TAX1BP1: variants seen among roughly 807,000 people sequenced by gnomAD.
The protein encoded by TAX1BP1 is tax1-binding protein 1.
In TAX1BP1, 62 loss-of-function variants were observed where a neutral mutation model predicts 97.7. The observed-to-expected ratio is 0.63, with a 90% CI of 0.52 to 0.78. TAX1BP1 has a LOEUF of 0.78. Ranked by LOEUF, TAX1BP1 falls within the 30% of genes least tolerant of loss-of-function variation. The pLI is 0.00. For synonymous variants in TAX1BP1, 340 were observed against 304.2 expected (o/e 1.12, Z -1.23); for missense variants, 867 against 916.1 (o/e 0.95, Z 0.69).
chr7:27,818,935 T>C (rs1037911339), intron 15 of TAX1BP1, among the ~76,000 whole-genome samples: 2 of 152,200 alleles, frequency 1.3e-5, no homozygotes, highest in African/African-American at 4.8e-5. Context: ...GTTGTGGTCT[T>C]AGCCACCTGT....
At chr7:27,747,233 G>A (rs1260016613) in intron 1 of TAX1BP1, among the ~76,000 whole-genome samples, 1 of 152,168 alleles carries the variant, frequency 6.6e-6, no homozygotes, top group Non-Finnish European at 1.5e-5. Flanking sequence ...CGGAGCCTGT[G>A]ACAAACTCTA....
At chr7:27,795,801 T>G (rs1164422104) in intron 11 of TAX1BP1, among the ~76,000 whole-genome samples, 1 of 152,198 alleles carries the variant, frequency 6.6e-6, no homozygotes, top group Admixed American at 6.5e-5. Flanking sequence ...TCGACCCGCC[T>G]TGGCCTCCCA....
chr7:27,776,266 A>G (rs568136193), intron 5 of TAX1BP1, among the ~76,000 whole-genome samples: 2 of 152,268 alleles, frequency 1.3e-5, no homozygotes, highest in Non-Finnish European at 2.9e-5. Flanking sequence ...TGCATAGATA[A>G]AGGTTTCTGT....
chr7:27,794,048 G>C (rs889160138), intron 10 of TAX1BP1, among the ~76,000 whole-genome samples: 1 of 152,154 alleles, frequency 6.6e-6, no homozygotes, highest in African/African-American at 2.4e-5. Flanking sequence ...TTATAACTTT[G>C]TAGTAGATTT....
intron 2 of TAX1BP1, among the ~76,000 whole-genome samples, chr7:27,757,080 G>A (rs999829212): frequency 3.3e-5 from 5 of 152,206 alleles, no homozygotes; most frequent in Middle Eastern, 3.4e-3. Flanking sequence ...GGCTAAAGGT[G>A]ACTAAGGTTC....
intron 13 of TAX1BP1, among the ~76,000 whole-genome samples, chr7:27,808,940 A>C (rs1435966992): frequency 1.3e-5 from 2 of 152,188 alleles, no homozygotes; most frequent in Non-Finnish European, 2.9e-5. Context: ...TTGTTTCTAG[A>C]ACCCTTTGAT....
At chr7:27,747,874 T>C (rs1232685165) in intron 1 of TAX1BP1, among the ~76,000 whole-genome samples, 1 of 152,078 alleles carries the variant, frequency 6.6e-6, no homozygotes, top group Non-Finnish European at 1.5e-5. Context: ...CTATTTTTTT[T>C]TTTTAAAGGC....
intron 3 of TAX1BP1, among the ~76,000 whole-genome samples, chr7:27,759,044 A>G (rs1788331048): frequency 6.6e-6 from 1 of 152,142 alleles, no homozygotes; most frequent in Non-Finnish European, 1.5e-5. Context: ...GCTGCAGAGT[A>G]ATTTTGTATT....
At chr7:27,811,817 G>A (rs985638366) in intron 13 of TAX1BP1, among the ~76,000 whole-genome samples, 1 of 151,976 alleles carries the variant, frequency 6.6e-6, no homozygotes, top group Admixed American at 6.6e-5. Context: ...TGTCCCTGTC[G>A]TTTTATGGCT....
In TAX1BP1 at chr7:27,791,976, A is replaced by G. The variant is rs775010626; in HGVS notation, c.1039-30A>G. 5.0e-6 allele frequency: 8 copies of G among 1,600,330 alleles called. No homozygotes were observed. In the Admixed American group the frequency reaches 1.4e-4, roughly 27 times the overall value. On this transcript the variant is annotated intron_variant, in intron 8 of 16. Coordinates refer to ENST00000396319, the MANE Select transcript of TAX1BP1 (RefSeq NM_006024.7). ...TTCTGTTTTTTACTTGAGTGGTTGA[A>G]TTACAAATATATTTATCTGCTTTCT...
At chr7:27,740,951 T>C (rs1453971043) in intron 1 of TAX1BP1, among the ~76,000 whole-genome samples, 1 of 152,168 alleles carries the variant, frequency 6.6e-6, no homozygotes, top group Non-Finnish European at 1.5e-5. Flanking sequence ...TTAGGGAATC[T>C]GTGGCTAGAG....
At chr7:27,804,490 C>T (rs972542165) in intron 13 of TAX1BP1, among the ~76,000 whole-genome samples, 1 of 152,236 alleles carries the variant, frequency 6.6e-6, no homozygotes, top group Non-Finnish European at 1.5e-5. Context: ...CTGATACTAA[C>T]TACCATGAGT....
intron 13 of TAX1BP1, among the ~76,000 whole-genome samples, chr7:27,801,089 G>A (rs1022085784): frequency 2.9e-5 from 4 of 136,556 alleles, no homozygotes; most frequent in East Asian, 2.3e-4. Context: ...GGGTGACAGT[G>A]TGAGACTCCG....
intron 2 of TAX1BP1, among the ~76,000 whole-genome samples, chr7:27,750,171 C>T (rs1787971520): frequency 6.6e-6 from 1 of 152,070 alleles, no homozygotes; most frequent in Admixed American, 6.6e-5. Flanking sequence ...TCTGTAGTAA[C>T]AGAGCAGAGA....
intron 5 of TAX1BP1, chr7:27,772,407 C>G (rs1467087487): frequency 6.6e-6 from 1 of 151,984 alleles, no homozygotes; most frequent in Non-Finnish European, 1.5e-5. Flanking sequence ...GATGTATCAT[C>G]TATAATTTCA....
chr7:27,782,408 T>TG (rs1789296944), intron 5 of TAX1BP1, among the ~76,000 whole-genome samples: 2 of 150,892 alleles, frequency 1.3e-5, no homozygotes, highest in Non-Finnish European at 3.0e-5. Context: ...CCCAGCTAAT[T>TG]TTTTTTTTCT....
intron 1 of TAX1BP1, among the ~76,000 whole-genome samples, chr7:27,748,186 G>A (rs537420767): frequency 6.6e-6 from 1 of 152,304 alleles, no homozygotes; most frequent in Admixed American, 6.5e-5. Context: ...TTGGCAGCGT[G>A]TGCACAAAAA....
At chr7:27,770,983 A>G (rs545709871) in intron 5 of TAX1BP1, among the ~76,000 whole-genome samples, 1 of 151,694 alleles carries the variant, frequency 6.6e-6, no homozygotes, top group African/African-American at 2.4e-5. Flanking sequence ...AGGATTTTCC[A>G]TTTGGTTAAG....
intron 13 of TAX1BP1, among the ~76,000 whole-genome samples, chr7:27,808,597 T>C (rs1163185383): frequency 1.3e-5 from 2 of 152,154 alleles, no homozygotes; most frequent in African/African-American, 2.4e-5. Flanking sequence ...AGGAATATAT[T>C]ATTTCTCCTA....
Sources: gnomAD v4.1 joint callset for allele counts (sites outside exome capture counted in the v4.1 genomes callset) on GRCh38, gnomAD v4.1.1 for gene constraint, MANE v1.5 for transcripts, NCBI Gene and HGNC (gene_info 2026-07-23, HGNC 2026-07-21) for gene names.